RPS6KA2: variants seen among roughly 807,000 people sequenced by gnomAD.
The protein encoded by RPS6KA2 is ribosomal protein S6 kinase alpha-2.
RPS6KA2 carries 42 observed loss-of-function variants against 91.8 expected under a neutral mutation model. The ratio of observed to expected loss-of-function variants is 0.46; its 90% CI spans 0.36 to 0.59. RPS6KA2 has a LOEUF of 0.59. RPS6KA2 is among the 20% of genes least tolerant of loss of function. The pLI is 0.00. For synonymous variants in RPS6KA2, 414 were observed against 393.6 expected (o/e 1.05, Z -0.61); for missense variants, 798 against 978.5 (o/e 0.82, Z 2.46).
At chr6:166,629,405 A>G (rs1285579290), upstream of RPS6KA2, among the ~76,000 whole-genome samples, 1 of 152,256 alleles carries the variant, frequency 6.6e-6, no homozygotes, top group Non-Finnish European at 1.5e-5. Flanking sequence ...CCAAATTTGA[A>G]GGCAACAAAA....
intron 3 of RPS6KA2, among the ~76,000 whole-genome samples, chr6:166,524,372 G>A (rs909909086): frequency 1.8e-4 from 28 of 151,910 alleles, no homozygotes; most frequent in East Asian, 9.7e-4. Flanking sequence ...TCGACACTGC[G>A]GAGAGCGCCT....
intron 1 of RPS6KA2, among the ~76,000 whole-genome samples, chr6:166,546,511 A>G (rs1388458323): frequency 6.7e-6 from 1 of 150,324 alleles, no homozygotes; most frequent in Non-Finnish European, 1.5e-5. Flanking sequence ...TCTGAGATAT[A>G]TAGTATGAAA....
intron 1 of RPS6KA2, among the ~76,000 whole-genome samples, chr6:166,547,887 G>A (rs967898419): frequency 3.9e-5 from 6 of 152,196 alleles, no homozygotes; most frequent in Non-Finnish European, 8.8e-5. Flanking sequence ...CAAATTCCAT[G>A]GTCGACCAAT....
intron 20 of RPS6KA2, 93 bp downstream of exon 20, chr6:166,413,701 C>G (rs910232763): frequency 2.9e-6 from 4 of 1,378,468 alleles, no homozygotes; most frequent in African/African-American, 2.9e-5. Flanking sequence ...TTTCTCTGCA[C>G]TCTGTGGTTT....
At chr6:166,480,865 G>A (rs142608201) in intron 10 of RPS6KA2, among the ~76,000 whole-genome samples, 4,405 of 152,080 alleles carry the variant, frequency 0.029, 216 homozygotes, top group African/African-American at 0.1. Flanking sequence ...GGCCAGGCTG[G>A]TCTTGAACTC....
chr6:166,498,090 G>A lies in RPS6KA2; in HGVS notation c.747+418C>T, dbSNP rs1781858447. ...GCACTCTGCCTGCGAAAACGCGACA[G>A]AGACAATTCACATTTCCAGACGCTG... is the stretch of plus-strand genomic sequence containing the variant. On this transcript the variant is annotated intron_variant, in intron 8 of 20. Transcript: ENST00000265678. Among the ~76,000 whole-genome samples the A allele has an allele frequency of 1.3e-5, 2 of 152,194 alleles. 1 individual carries two copies. Among genetic ancestry groups the A allele is most frequent in the South Asian group, 4.1e-4 (2 of 4,828 alleles).
At position 166,801,405 on chromosome 6, in the gene RPS6KA2, C is replaced by A. The variant is rs545498330; in HGVS notation, c.123+56795G>T. On this transcript the variant is annotated intron_variant, in intron 2 of 21. Transcript: ENST00000503859. ...GTACCCAGGCTGGAATGGAGCAGTG[C>A]AATCATAGCTCACTGCAGCCTCCAA... is the stretch of plus-strand genomic sequence containing the variant. Among the ~76,000 whole-genome samples the A allele has an allele frequency of 2.6e-5, 4 of 152,194 alleles. No individual in the cohort carries two copies. In the South Asian group the frequency reaches 8.3e-4, roughly 32 times the overall value.
intron 6 of RPS6KA2, among the ~76,000 whole-genome samples, chr6:166,503,732 A>G (rs886718555): frequency 6.6e-6 from 1 of 152,252 alleles, no homozygotes; most frequent in Non-Finnish European, 1.5e-5. Flanking sequence ...GATCACTCCT[A>G]GTTATGTGTC....
intron 2 of RPS6KA2, among the ~76,000 whole-genome samples, chr6:166,642,662 C>T (rs999199281): frequency 2.0e-5 from 3 of 152,038 alleles, no homozygotes; most frequent in South Asian, 2.1e-4. Context: ...TGTGTAATTG[C>T]CAAACTAATA....
intron 2 of RPS6KA2, among the ~76,000 whole-genome samples, chr6:166,644,474 A>C (rs1562360605): frequency 6.6e-6 from 1 of 152,104 alleles, no homozygotes; most frequent in South Asian, 2.1e-4. Context: ...GGTGACTTTT[A>C]GGAAGTTTGA....
At chr6:166,820,226 T>G (rs897693420) in intron 2 of RPS6KA2, among the ~76,000 whole-genome samples, 1 of 152,190 alleles carries the variant, frequency 6.6e-6, no homozygotes, top group Non-Finnish European at 1.5e-5. Context: ...TCATATGCTG[T>G]TACCTGTGCA....
intron 2 of RPS6KA2, among the ~76,000 whole-genome samples, chr6:166,761,354 T>C (rs1778165858): frequency 6.6e-6 from 1 of 152,210 alleles, no homozygotes; most frequent in Non-Finnish European, 1.5e-5. Context: ...TGCCTTTTAT[T>C]TTATGCCATG....
In RPS6KA2 at chr6:166,852,509, TA is replaced by T. The variant is rs1445664689; in HGVS notation, c.123+5690del. Among the ~76,000 whole-genome samples the T allele has an allele frequency of 6.6e-6, 1 of 152,218 alleles. No homozygotes were observed. Among genetic ancestry groups the T allele is most frequent in the Non-Finnish European group, 1.5e-5 (1 of 68,028 alleles). ...AGGCAACGTGGCCGCACAGGCGGTTTAGCCTGTCCCGGGCCATATCCTGCTG... is the reference window on the plus strand; with the variant it reads ...AGGCAACGTGGCCGCACAGGCGGTTTGCCTGTCCCGGGCCATATCCTGCTG... On this transcript the variant is annotated intron_variant, in intron 2 of 21. Transcript: ENST00000503859. The surrounding 1 kb of genome is among the most constrained non-coding windows in gnomAD (Gnocchi z 4.1).
At chr6:166,820,840 T>C (rs1047266036) in intron 2 of RPS6KA2, among the ~76,000 whole-genome samples, 1 of 152,234 alleles carries the variant, frequency 6.6e-6, no homozygotes, top group Non-Finnish European at 1.5e-5. Context: ...TATAATGACC[T>C]CAATTATTTT....
At chr6:166,841,729 G>A (rs1464729448) in intron 2 of RPS6KA2, among the ~76,000 whole-genome samples, 1 of 152,208 alleles carries the variant, frequency 6.6e-6, no homozygotes, top group Admixed American at 6.5e-5. Flanking sequence ...CAAGTAATGG[G>A]ACCTGTGTTT....
At chr6:166,837,278 C>T (rs946434245) in intron 2 of RPS6KA2, among the ~76,000 whole-genome samples, 4 of 152,078 alleles carry the variant, frequency 2.6e-5, no homozygotes, top group African/African-American at 7.2e-5. Flanking sequence ...AGCCCTTCCC[C>T]GGGGTGGAAG....
chr6:166,676,777 G>C (rs1377330223), intron 2 of RPS6KA2, among the ~76,000 whole-genome samples: 1 of 152,198 alleles, frequency 6.6e-6, no homozygotes, highest in African/African-American at 2.4e-5. Context: ...CGCTCAACCA[G>C]ATTTAAACTT....
At chr6:166,442,839 T>C (rs1779561626) in intron 14 of RPS6KA2, among the ~76,000 whole-genome samples, 1 of 152,138 alleles carries the variant, frequency 6.6e-6, no homozygotes, top group Admixed American at 6.5e-5. Flanking sequence ...GAAGGGGAGA[T>C]ACTAGTGACA....
At chr6:166,537,898 T>C (rs1783531840) in intron 2 of RPS6KA2, among the ~76,000 whole-genome samples, 2 of 152,264 alleles carry the variant, frequency 1.3e-5, no homozygotes, top group African/African-American at 4.8e-5. Context: ...GAAATCAGCA[T>C]TGTGCTGGAG....
Sources: gnomAD v4.1 joint callset for allele counts (sites outside exome capture counted in the v4.1 genomes callset) on GRCh38, gnomAD v4.1.1 for gene constraint, Gnocchi (gnomAD v3.1) non-coding constraint, MANE v1.5 for transcripts, NCBI Gene and HGNC (gene_info 2026-07-23, HGNC 2026-07-21) for gene names.